The following KPNA7 variants were observed in gnomAD, a reference collection of about 807,000 sequenced individuals.
KPNA7 encodes the protein karyopherin subunit alpha 7.
KPNA7 carries 54 observed loss-of-function variants against 53.7 expected under a neutral mutation model. The ratio of observed to expected loss-of-function variants is 1.01; its 90% CI spans 0.81 to 1.26. The LOEUF is 1.26. Among genes scored for constraint, KPNA7 ranks in the 50% most tolerant of loss-of-function variants. The pLI is 0.00. For missense variants in KPNA7, 640 were observed against 644.5 expected (o/e 0.99, Z 0.07); for synonymous variants, 276 against 259.3 (o/e 1.06, Z -0.62).
rs188239934 is a variant in KPNA7 at position 99,193,087 on chromosome 7, A to C, written c.568T>G (p.Phe190Val). 2.1e-5 allele frequency: 31 copies of C among 1,498,398 alleles called. No homozygotes were observed. The Admixed American group carries it at 5.7e-4, about 28-fold the overall frequency. The allele number at this position is 1,498,398 out of a possible 1,614,324, so 92.8% of individuals were successfully genotyped here. Residue 190 changes from phenylalanine to valine, a missense_variant, in exon 6 of 11, where the codon TTC (phenylalanine) becomes GTC (valine). By Grantham distance (50) the Phe-to-Val change is conservative (BLOSUM62 -1). Transcript: ENST00000327442. ...LGNIAGDGPEFRDNVITSNAI... is the reference protein window; with the variant it reads ...LGNIAGDGPEVRDNVITSNAI... ...TTGCTTGTGATGACGTTATCTCTGA[A>C]CTCTGGGCCATCACCTACAAATAGA... is the stretch of plus-strand genomic sequence containing the variant.
At chr7:99,184,601 C>T (rs1789481073) in intron 8 of KPNA7, among the ~76,000 whole-genome samples, 2 of 152,200 alleles carry the variant, frequency 1.3e-5, no homozygotes, top group African/African-American at 4.8e-5. Flanking sequence ...GCTCCACCCT[C>T]TTTTGGTAGG....
downstream of KPNA7, among the ~76,000 whole-genome samples, chr7:99,170,779 CA>C (rs1184795263): frequency 2.6e-5 from 4 of 152,244 alleles, no homozygotes; most frequent in Admixed American, 6.5e-5. Flanking sequence ...AGAGTTGAGA[CA>C]GGGGAAGAGA....
intron 10 of KPNA7, among the ~76,000 whole-genome samples, chr7:99,174,668 A>G (rs1798837002): frequency 6.6e-6 from 1 of 152,194 alleles, no homozygotes; most frequent in Non-Finnish European, 1.5e-5. Flanking sequence ...TTTTAAATGC[A>G]GTTTTGATAG....
upstream of KPNA7, among the ~76,000 whole-genome samples, chr7:99,209,682 C>CAAAAAAAAAAAAAAAA (rs60377276): frequency 4.1e-5 from 3 of 73,532 alleles, no homozygotes; most frequent in African/African-American, 5.2e-5. Context: ...GACTCCAACT[C>CAAAAAAAAAAAAAAAA]AAAAAAAAAA....
chr7:99,146,743 AAAAAAC>A, the KPNA7 span, among the ~76,000 whole-genome samples: 85 of 122,606 alleles, frequency 6.9e-4, 3 homozygotes, highest in African/African-American at 2.5e-3. Context: ...AAAAAAAAAA[AAAAAAC>A]AACGGAAAAT....
chr7:99,195,086 A>G lies in KPNA7; in HGVS notation c.537T>C (p.Ala179=). Residue 179 remains alanine, a synonymous_variant, in exon 5 of 11, where the codon GCT becomes GCC. Transcript: ENST00000327442. ...GAGTCTCACCGGCTATATTACCAAG[A>G]GCCCACACTGCCTGTTCACACACAG... ...NVAVCEQAVW[A]LGNIAGDGPE... 3 of 1,551,532 alleles carry G rather than the reference A, an allele frequency of 1.9e-6. No homozygotes were observed. The South Asian group carries it at 3.6e-5, about 18-fold the overall frequency.
the KPNA7 span, among the ~76,000 whole-genome samples, chr7:99,162,423 C>A: frequency 6.6e-6 from 1 of 152,166 alleles, no homozygotes; most frequent in Non-Finnish European, 1.5e-5. Context: ...AGTGTTCACA[C>A]CGTAAACCAA....
chr7:99,187,446 G>A (rs1366697633), intron 7 of KPNA7, among the ~76,000 whole-genome samples: 2 of 151,816 alleles, frequency 1.3e-5, no homozygotes, highest in Non-Finnish European at 2.9e-5. Flanking sequence ...CTGGAGTACA[G>A]TGTGCCATCA....
intron 6 of KPNA7, among the ~76,000 whole-genome samples, chr7:99,190,335 C>CA (rs58257703): frequency 0.26 from 26,207 of 99,008 alleles, 3,098 homozygotes; most frequent in African/African-American, 0.4. Flanking sequence ...GACTCTGTCT[C>CA]AAAAAAAAAA....
At chr7:99,190,924 A>T (rs1789915894) in intron 6 of KPNA7, among the ~76,000 whole-genome samples, 1 of 152,064 alleles carries the variant, frequency 6.6e-6, no homozygotes, top group East Asian at 1.9e-4. Context: ...CTAGCAAGGT[A>T]CATCTGTCAA....
In KPNA7 at chr7:99,188,693, A is replaced by G. The variant is rs1584284652; in HGVS notation, c.637-130T>C. On this transcript the variant is annotated intron_variant, in intron 6 of 10. Coordinates refer to ENST00000327442, the MANE Select transcript of KPNA7 (RefSeq NM_001145715.3). ...AGAGCTTTTTAAAATTTTATTTATT[A>G]TTTTCAGACAGCCTTGCTCTGTCAC... 8 of 996,552 alleles carry G rather than the reference A, an allele frequency of 8.0e-6. No individual in the cohort carries two copies. In the East Asian group the frequency reaches 1.1e-4, roughly 13 times the overall value. 61.7% of individuals were successfully genotyped at this position (996,552 alleles called of 1,614,324 possible). A position where few individuals can be genotyped will look rare whatever the true frequency, so the allele number is the denominator to read the frequency against.
downstream of KPNA7, among the ~76,000 whole-genome samples, chr7:99,169,632 A>G (rs1798735411): frequency 6.6e-6 from 1 of 151,586 alleles, no homozygotes; most frequent in South Asian, 2.1e-4. Flanking sequence ...TAGATAAATA[A>G]CCTGACCTTG....
intron 2 of KPNA7, among the ~76,000 whole-genome samples, chr7:99,207,037 C>A (rs183944289): frequency 6.6e-6 from 1 of 151,064 alleles, no homozygotes; most frequent in South Asian, 2.2e-4. Flanking sequence ...CCCTGCCCCC[C>A]GCTATTTTTT....
chr7:99,169,898 G>A (rs902793109), downstream of KPNA7, among the ~76,000 whole-genome samples: 1 of 151,834 alleles, frequency 6.6e-6, no homozygotes, highest in Non-Finnish European at 1.5e-5. Context: ...AAAATTAGCC[G>A]GGCATGGTGG....
At chr7:99,210,065 T>TA (rs71515266), upstream of KPNA7, among the ~76,000 whole-genome samples, 9,265 of 152,092 alleles carry the variant, frequency 0.061, 316 homozygotes, top group South Asian at 0.15. Flanking sequence ...CTCTCCTGCT[T>TA]AAAAAAACTC....
intron 2 of KPNA7, among the ~76,000 whole-genome samples, chr7:99,206,984 T>C (rs1391404038): frequency 6.6e-6 from 1 of 152,084 alleles, no homozygotes; most frequent in Non-Finnish European, 1.5e-5. Flanking sequence ...ATCTAAAGAA[T>C]CTTTTGCTAT....
chr7:99,194,117 C>T (rs1790101799), intron 5 of KPNA7, among the ~76,000 whole-genome samples: 1 of 152,166 alleles, frequency 6.6e-6, no homozygotes, highest in East Asian at 1.9e-4. Flanking sequence ...CTTGAAAATG[C>T]TAATAGTCGG....
chr7:99,187,786 C>A (rs546626757), intron 7 of KPNA7, among the ~76,000 whole-genome samples: 8 of 126,036 alleles, frequency 6.3e-5, no homozygotes, highest in Non-Finnish European at 1.1e-4. Flanking sequence ...CCACCGTGCC[C>A]GGCCTTTTTT....
the KPNA7 span, among the ~76,000 whole-genome samples, chr7:99,150,044 C>T: frequency 6.6e-6 from 1 of 152,084 alleles, no homozygotes; most frequent in African/African-American, 2.4e-5. Context: ...TATGATCCAC[C>T]TGCCTCAGCC....
Sources: gnomAD v4.1 joint callset for allele counts (sites outside exome capture counted in the v4.1 genomes callset) on GRCh38, gnomAD v4.1.1 for gene constraint, MANE v1.5 for transcripts, NCBI Gene and HGNC (gene_info 2026-07-23, HGNC 2026-07-21) for gene names.